Variants in PIGS observed in about 807,000 individuals in gnomAD.
The protein encoded by PIGS is phosphatidylinositol glycan anchor biosynthesis class S.
PIGS carries 37 observed loss-of-function variants against 58.2 expected under a neutral mutation model. The observed-to-expected ratio is 0.64, with a 90% CI of 0.49 to 0.84. The LOEUF is 0.84. PIGS is among the 40% of genes least tolerant of loss of function. The pLI is 0.00. For missense variants in PIGS, 629 were observed against 710.8 expected, an observed-to-expected ratio of 0.88 and a Z score of 1.31; for synonymous variants, 269 against 289.2, an observed-to-expected ratio of 0.93 and a Z score of 0.71.
intron 10 of PIGS, 83 bp downstream of exon 10, chr17:28,556,083 C>T: frequency 7.7e-7 from 1 of 1,304,694 alleles, no homozygotes; most frequent in Non-Finnish European, 1.1e-6. Context: ...GATATCCCTG[C>T]CAGGTAAGAC....
rs200560696 is a variant in PIGS at position 28,561,275 on chromosome 17, AAATAAT to A, written c.676+141_676+146del. On this transcript the variant is annotated intron_variant, in intron 6 of 11. Transcript: ENST00000308360. ...CCGTCTCAAAATAAATAACTAAAAAAAATAATAATAATAATAATAACATAAAATAAA... is the reference window on the plus strand; with the variant it reads ...CCGTCTCAAAATAAATAACTAAAAAAAATAATAATAATAACATAAAATAAA... 3.1e-5 allele frequency: 15 copies of A among 491,396 alleles called. 1 individual carries two copies. Among genetic ancestry groups the A allele is most frequent in the South Asian group, 1.0e-4 (1 of 9,904 alleles). The allele number at this position is 491,396 out of a possible 1,614,324, so 30.4% of individuals were successfully genotyped here.
At chr17:28,561,936 A>G (rs1028923039) in intron 5 of PIGS, 2 of 302,422 alleles carry the variant, frequency 6.6e-6, no homozygotes, top group Admixed American at 9.8e-5. Flanking sequence ...AGCGGAATAA[A>G]CAGACAACTG....
In PIGS at chr17:28,560,144, C is replaced by A; in HGVS notation, c.724G>T (p.Asp242Tyr). 1 of 1,612,710 alleles carries A rather than the reference C, an allele frequency of 6.2e-7. No individual in the cohort carries two copies. Among genetic ancestry groups the A allele is most frequent in the Non-Finnish European group, 8.5e-7 (1 of 1,179,246 alleles). ...SLLNPDPKSH[D>Y]VYWDIEGAVR... ...GCCCCCTCAATGTCCCAGTAGACAT[C>A]ATGGGACTTGGGGTCTGGGTTGAGT... Residue 242 changes from aspartate to tyrosine, a missense_variant, in exon 7 of 12, where the codon GAT becomes TAT. Physicochemically the swap from Asp to Tyr is radical, Grantham distance 160 (BLOSUM62 -3). Transcript: ENST00000308360.
rs2070423590 is a variant in PIGS at position 28,570,942 on chromosome 17, T to C, written c.196A>G (p.Thr66Ala). The change falls in exon 3 of 12, where the codon ACT (threonine) becomes GCT (alanine). Residue 66 changes from threonine (T) to alanine (A), a missense_variant. Coordinates refer to ENST00000308360, the MANE Select transcript of PIGS (RefSeq NM_033198.4). ...ALQLRLMVPVTVVFTRESVPL... is the reference protein window; with the variant it reads ...ALQLRLMVPVAVVFTRESVPL... ...ACTGACTCCCGCGTAAACACGACAG[T>C]GACAGGCACCATGAGGCGGAGCTAC... 3 of 1,614,158 alleles carry C rather than the reference T, an allele frequency of 1.9e-6. No individual in the cohort carries two copies. Among genetic ancestry groups the C allele is most frequent in the Non-Finnish European group, 8.5e-7 (1 of 1,180,018 alleles).
Position 28,571,514 on chromosome 17 carries a change from C to A in PIGS, c.-18G>T. ...GCCGCCATGCTAGCTTCCGGCTGCT[C>A]CGGCCACCGTGGGGGCAGAGCTTCG... On this transcript the variant is annotated 5_prime_UTR_variant, in exon 1 of 12. Transcript: ENST00000308360. 6.3e-7 allele frequency: 1 copy of A among 1,598,980 alleles called. No homozygotes were observed. The highest frequency in any genetic ancestry group is 8.5e-7 in the Non-Finnish European group (1 of 1,172,990).
chr17:28,561,281 T>A (rs986826774), intron 6 of PIGS, 141 bp downstream of exon 6: 1 of 501,414 alleles, frequency 2.0e-6, no homozygotes, highest in Non-Finnish European at 2.9e-6. Context: ...AAAAAAATAA[T>A]AATAATAATA....
intron 9 of PIGS, 175 bp from the exon 10 acceptor site, chr17:28,556,441 C>G (rs955648490): frequency 1.4e-6 from 1 of 708,276 alleles, no homozygotes; most frequent in Admixed American, 2.0e-5. Flanking sequence ...TACATTATCC[C>G]AATTACCCCC....
At position 28,556,157 on chromosome 17, in the gene PIGS, G is replaced by A. The variant is rs752537460; in HGVS notation, c.1181+9C>T. ...ACTATGTCCCCAAGTGGATCATCCA[G>A]GACCTCACCGCAACTGTGCCAGGAA... On this transcript the variant is annotated intron_variant, in intron 10 of 11. Coordinates refer to ENST00000308360, the MANE Select transcript of PIGS (RefSeq NM_033198.4). 4 of 1,606,314 alleles carry A rather than the reference G, an allele frequency of 2.5e-6. No homozygotes were observed. Among genetic ancestry groups the A allele is most frequent in the Non-Finnish European group, 8.5e-7 (1 of 1,173,052 alleles).
At chr17:28,571,442 C>T (rs372801780) in intron 1 of PIGS, 21 bp downstream of exon 1, 37 of 1,609,370 alleles carry the variant, frequency 2.3e-5, no homozygotes, top group Middle Eastern at 1.6e-4. Context: ...CTGCAGGCCC[C>T]CCACCCGAAG....
rs746102612 is a variant in PIGS, at chr17:28,555,082, G to C, written c.1182-21C>G. ...GCAACCTGTAGGAACATCGGAGTAA[G>C]ATCAAGGTGGCTGAGACCACAAGGC... On this transcript the variant is annotated intron_variant, in intron 10 of 11. Transcript: ENST00000308360. 1.1e-5 allele frequency: 17 copies of C among 1,594,486 alleles called. No individual in the cohort carries two copies. In the African/African-American group the frequency reaches 2.2e-4, roughly 20 times the overall value.
At chr17:28,569,753 G>A (rs2070416266) in intron 3 of PIGS, among the ~76,000 whole-genome samples, 1 of 152,190 alleles carries the variant, frequency 6.6e-6, no homozygotes, top group Admixed American at 6.5e-5. Context: ...TCTCTTACTA[G>A]CTGTGTGACC....
Position 28,554,437 on chromosome 17 carries a change from A to G in PIGS, c.1451T>C (p.Leu484Pro). The G allele has an allele frequency of 6.2e-7, 1 of 1,614,216 alleles. No individual in the cohort carries two copies. Among genetic ancestry groups the G allele is most frequent in the Middle Eastern group, 1.6e-4 (1 of 6,062 alleles). Residue 484 changes from leucine (L) to proline (P), a missense_variant, in exon 12 of 12, where the codon CTG (leucine) becomes CCG (proline). Transcript: ENST00000308360. Reference protein sequence around the residue: ...KSAEELASGHLASAFVASQEA... With the variant: ...KSAEELASGHPASAFVASQEA... ...CTGGCTGGCGACAAAGGCAGATGCC[A>G]GGTGCCCAGACGCCAACTCTTCTGC...
chr17:28,555,312 T>A, intron 10 of PIGS: 1 of 481,040 alleles, frequency 2.1e-6, no homozygotes, highest in South Asian at 2.6e-5. Flanking sequence ...TCTTGTTTTT[T>A]AAAAAAAGGT....
At chr17:28,570,111 A>C (rs2070418077) in intron 3 of PIGS, among the ~76,000 whole-genome samples, 1 of 152,182 alleles carries the variant, frequency 6.6e-6, no homozygotes, top group African/African-American at 2.4e-5. Context: ...AATTTATTTT[A>C]TCTTTCTCCC....
rs888544166 is a variant in PIGS at position 28,555,483 on chromosome 17, C to T, written c.1182-422G>A. The T allele has an allele frequency of 4.2e-5, 8 of 188,902 alleles. No individual in the cohort carries two copies. In the South Asian group the frequency reaches 4.7e-4, roughly 11 times the overall value. 11.7% of individuals were successfully genotyped at this position (188,902 alleles called of 1,614,324 possible). On this transcript the variant is annotated intron_variant, in intron 10 of 11. Coordinates refer to ENST00000308360, the MANE Select transcript of PIGS (RefSeq NM_033198.4). Reference sequence around the variant, plus strand: ...TGCTGTGCTTCTCTAAGCCTGCATCCGTGAGAGACACTGCTAGTCAATCAG... The same window carrying T: ...TGCTGTGCTTCTCTAAGCCTGCATCTGTGAGAGACACTGCTAGTCAATCAG...
Position 28,571,484 on chromosome 17 carries a change from C to A in PIGS, c.13G>T (p.Gly5Trp). The stretch of plus-strand genomic sequence containing the variant: ...GCACCTAGGTGTGTAGCCGCAGCCC[C>A]GGCGGCCGCCATGCTAGCTTCCGGC... MAAAGAAATHLEVAR... is the reference protein window; with the variant it reads MAAAWAAATHLEVAR... The change falls in exon 1 of 12, where the codon GGG (glycine) becomes TGG (tryptophan). Residue 5 changes from glycine (G) to tryptophan (W), a missense_variant. Physicochemically the swap from Gly to Trp is radical, Grantham distance 184. Coordinates refer to ENST00000308360, the MANE Select transcript of PIGS (RefSeq NM_033198.4). 1 of 1,608,110 alleles carries A rather than the reference C, an allele frequency of 6.2e-7. No individual in the cohort carries two copies. The highest frequency in any genetic ancestry group is 8.5e-7 in the Non-Finnish European group (1 of 1,177,760).
At position 28,561,632 on chromosome 17, in the gene PIGS, G is replaced by A. The variant is rs758306747; in HGVS notation, c.469-3C>T. On this transcript the variant is annotated splice_region_variant and splice_polypyrimidine_tract_variant and intron_variant, in intron 5 of 11. Coordinates refer to ENST00000308360, the MANE Select transcript of PIGS (RefSeq NM_033198.4). ...GGCCCAATGTAGCTCATCATGTCCT[G>A]TGGGGGTGAGCAAGAGACAGAATGC... 1.7e-5 allele frequency: 27 copies of A among 1,609,146 alleles called. No homozygotes were observed. Among genetic ancestry groups the A allele is most frequent in the Non-Finnish European group, 2.0e-5 (24 of 1,177,418 alleles).
intron 5 of PIGS, among the ~76,000 whole-genome samples, chr17:28,562,772 C>CA (rs1376771625): frequency 1.3e-5 from 2 of 151,610 alleles, no homozygotes; most frequent in Non-Finnish European, 2.9e-5. Flanking sequence ...AGTGCAATGG[C>CA]ATGATATTAG....
rs750003277 is a variant in PIGS at position 28,555,001 on chromosome 17, C to T, written c.1242G>A (p.Thr414=). The T allele has an allele frequency of 7.5e-6, 12 of 1,610,396 alleles. No homozygotes were observed. Among genetic ancestry groups the T allele is most frequent in the African/African-American group, 1.3e-5 (1 of 74,906 alleles). ...GCTCCCAGGTCATTAGCCCTTCACT[C>T]GTAGGCCCTGAAAGCAGGCATTTTG... The part of the protein sequence containing the change: ...LPPKCLLSGP[T]SEGLMTWELD... The change falls in exon 11 of 12, where the codon ACG becomes ACA. Residue 414 remains threonine, a synonymous_variant. Transcript: ENST00000308360.
Sources: allele counts gnomAD v4.1 joint callset (sites outside exome capture counted in the v4.1 genomes callset), GRCh38; gene constraint gnomAD v4.1.1; transcripts MANE v1.5; gene names NCBI Gene and HGNC (gene_info 2026-07-23, HGNC 2026-07-21).